The following GALNT7 variants were observed in gnomAD, a reference collection of about 807,000 sequenced individuals.
GALNT7 encodes N-acetylgalactosaminyltransferase 7.
GALNT7 carries 60 observed loss-of-function variants against 82.1 expected under a neutral mutation model. That is an observed-to-expected ratio of 0.73 (90% CI 0.59 to 0.91). The LOEUF (loss-of-function observed/expected upper bound fraction) is 0.91, where lower values mean the gene tolerates loss of function less well. Ranked by LOEUF, GALNT7 falls within the 40% of genes least tolerant of loss-of-function variation. The pLI is 0.00. For missense variants in GALNT7, 660 were observed against 804.2 expected (o/e 0.82, Z 2.17); for synonymous variants, 243 against 275.1 (o/e 0.88, Z 1.15).
chr4:173,172,605 G>C (rs1251960770), intron 1 of GALNT7, among the ~76,000 whole-genome samples: 2 of 152,148 alleles, frequency 1.3e-5, no homozygotes. Context: ...TGGTGGTGGG[G>C]GGCCTTTCCT....
chr4:173,241,296 T>C (rs1734426586), intron 1 of GALNT7, among the ~76,000 whole-genome samples: 1 of 152,134 alleles, frequency 6.6e-6, no homozygotes, highest in African/African-American at 2.4e-5. Flanking sequence ...TTAATTTTCC[T>C]GTTAAGTCAG....
chr4:173,205,917 A>T (rs1733077627), intron 1 of GALNT7, among the ~76,000 whole-genome samples: 1 of 152,010 alleles, frequency 6.6e-6, no homozygotes, highest in South Asian at 2.1e-4. Context: ...GTGGTGGGGC[A>T]GGTCCAGAGA....
intron 6 of GALNT7, 103 bp downstream of exon 6, chr4:173,298,400 C>T (rs1337225211): frequency 1.8e-5 from 13 of 727,208 alleles, no homozygotes; most frequent in Non-Finnish European, 2.7e-5. Context: ...TAGATGTTGT[C>T]TCAGATTCTG....
intron 1 of GALNT7, among the ~76,000 whole-genome samples, chr4:173,242,692 A>G (rs897454965): frequency 6.6e-6 from 1 of 152,178 alleles, no homozygotes; most frequent in Non-Finnish European, 1.5e-5. Flanking sequence ...AGAGAGAAAG[A>G]AGGGTACTGA....
intron 2 of GALNT7, among the ~76,000 whole-genome samples, chr4:173,254,644 G>A (rs1296485317): frequency 2.0e-5 from 3 of 152,158 alleles, no homozygotes; most frequent in Non-Finnish European, 4.4e-5. Context: ...CCTAGTTTCT[G>A]TTTTTGGAAT....
rs1211160765 is a variant in GALNT7 at position 173,264,261 on chromosome 4, CA to C, written c.587+15824del. 2.0e-5 allele frequency among the ~76,000 whole-genome samples: 3 copies of C among 152,226 alleles called. No individual in the cohort carries two copies. In the South Asian group the frequency reaches 6.2e-4, roughly 32 times the overall value. On this transcript the variant is annotated intron_variant, in intron 2 of 11. Coordinates refer to ENST00000265000, the MANE Select transcript of GALNT7 (RefSeq NM_017423.3). ...TATAATGGAATCAGAAGAATTCACCCAAAGCCAGAGTAACTAAGATATGAGT... is the reference window on the plus strand; with the variant it reads ...TATAATGGAATCAGAAGAATTCACCCAAGCCAGAGTAACTAAGATATGAGT...
intron 1 of GALNT7, among the ~76,000 whole-genome samples, chr4:173,236,409 T>C (rs186900741): frequency 1.4e-4 from 22 of 152,336 alleles, no homozygotes; most frequent in Admixed American, 2.6e-4. Flanking sequence ...TATTTTATTT[T>C]TAAGTTTTTT....
chr4:173,226,126 C>T (rs1272307764), intron 1 of GALNT7, among the ~76,000 whole-genome samples: 1 of 152,118 alleles, frequency 6.6e-6, no homozygotes, highest in Non-Finnish European at 1.5e-5. Flanking sequence ...TAGAACTGAT[C>T]GCTGATCACA....
chr4:173,183,660 G>A (rs28377337), intron 1 of GALNT7, among the ~76,000 whole-genome samples: 65,634 of 151,658 alleles, frequency 0.43, 15,060 homozygotes, highest in East Asian at 0.66. Flanking sequence ...TCAATGAGCT[G>A]TTGGGTACAC....
In GALNT7 at chr4:173,292,082, A is replaced by G; in HGVS notation, c.588-26A>G. 1 of 1,541,580 alleles carries G rather than the reference A, an allele frequency of 6.5e-7. No individual in the cohort carries two copies. Among genetic ancestry groups the G allele is most frequent in the Non-Finnish European group, 8.9e-7 (1 of 1,118,820 alleles). ...AAGCAGTATAGATTACCTGTAAATA[A>G]ATATGATGAAATTTTCTCTTTACAG... is the stretch of plus-strand genomic sequence containing the variant. On this transcript the variant is annotated intron_variant, in intron 2 of 11. Transcript: ENST00000265000. The surrounding 1 kb of genome is among the most constrained non-coding windows in gnomAD (Gnocchi z 4.8).
intron 1 of GALNT7, among the ~76,000 whole-genome samples, chr4:173,180,116 A>G (rs931349441): frequency 6.6e-6 from 1 of 152,188 alleles, no homozygotes; most frequent in African/African-American, 2.4e-5. Flanking sequence ...TAGCATCATT[A>G]TAGGAAGATT....
chr4:173,204,369 A>G (rs1439102997), intron 1 of GALNT7, among the ~76,000 whole-genome samples: 2 of 152,144 alleles, frequency 1.3e-5, no homozygotes, highest in Non-Finnish European at 2.9e-5. Flanking sequence ...GGATATTTAT[A>G]TCTTTCCCTA....
chr4:173,283,553 T>G (rs576686724), intron 2 of GALNT7, among the ~76,000 whole-genome samples: 1 of 147,076 alleles, frequency 6.8e-6, no homozygotes, highest in Non-Finnish European at 1.5e-5. Context: ...AGCAGGAGAA[T>G]CCCTTGAGCC....
At chr4:173,263,102 G>T (rs2126770050) in intron 2 of GALNT7, among the ~76,000 whole-genome samples, 1 of 152,254 alleles carries the variant, frequency 6.6e-6, no homozygotes, top group African/African-American at 2.4e-5. Context: ...CAGTGAAAAA[G>T]ATAGTATCTT....
intron 2 of GALNT7, among the ~76,000 whole-genome samples, chr4:173,259,575 T>C (rs1176903928): frequency 1.3e-5 from 2 of 152,156 alleles, no homozygotes; most frequent in African/African-American, 2.4e-5. Context: ...TTCTGAGTTA[T>C]ATTAAACTCA....
At chr4:173,214,735 G>A (rs1437743855) in intron 1 of GALNT7, among the ~76,000 whole-genome samples, 1 of 151,942 alleles carries the variant, frequency 6.6e-6, no homozygotes. Flanking sequence ...TTTATAGAAT[G>A]CCTTGATGGA....
chr4:173,277,321 T>C (rs1250404433), intron 2 of GALNT7, among the ~76,000 whole-genome samples: 1 of 152,166 alleles, frequency 6.6e-6, no homozygotes, highest in Non-Finnish European at 1.5e-5. Context: ...AACTGAAAAG[T>C]TGAGAACTAA....
chr4:173,268,306 C>T (rs1735581723), intron 2 of GALNT7: 1 of 152,090 alleles, frequency 6.6e-6, no homozygotes, highest in Non-Finnish European at 1.5e-5. Flanking sequence ...TTACATTGAA[C>T]TCAGGGCCAA....
chr4:173,309,883 C>T (rs1580011592), intron 8 of GALNT7, among the ~76,000 whole-genome samples: 1 of 152,040 alleles, frequency 6.6e-6, no homozygotes, highest in East Asian at 1.9e-4. Context: ...GAGTTGGACT[C>T]AACAATCACG....
Sources: gnomAD v4.1 joint callset for allele counts (sites outside exome capture counted in the v4.1 genomes callset) on GRCh38, gnomAD v4.1.1 for gene constraint, Gnocchi (gnomAD v3.1) non-coding constraint, MANE v1.5 for transcripts, NCBI Gene and HGNC (gene_info 2026-07-23, HGNC 2026-07-21) for gene names.